INPP4B: variants seen among roughly 807,000 people sequenced by gnomAD.
INPP4B encodes inositol polyphosphate-4-phosphatase type II B.
In INPP4B, 55 loss-of-function variants were observed where a neutral mutation model predicts 122.5. The observed-to-expected ratio is 0.45, with a 90% CI of 0.36 to 0.56. The LOEUF (loss-of-function observed/expected upper bound fraction) is 0.56. INPP4B is among the 20% of genes least tolerant of loss of function. INPP4B has a pLI of 0.00. For missense variants in INPP4B, 1,000 were observed against 1,097.7 expected, an observed-to-expected ratio of 0.91 and a Z score of 1.26; for synonymous variants, 403 against 388.7, an observed-to-expected ratio of 1.04 and a Z score of -0.43.
intron 2 of INPP4B, among the ~76,000 whole-genome samples, chr4:142,672,437 T>C (rs761288700): frequency 6.6e-6 from 1 of 152,118 alleles, no homozygotes; most frequent in Non-Finnish European, 1.5e-5. Context: ...GTTTGTTTGT[T>C]TGTTTGTTTC....
At chr4:142,340,406 T>C (rs199939122) in intron 7 of INPP4B, among the ~76,000 whole-genome samples, 3 of 65,554 alleles carry the variant, frequency 4.6e-5, no homozygotes, top group Admixed American at 4.5e-4. Context: ...TCTTTCTTTT[T>C]TTTCTCTTTA....
At chr4:142,692,074 T>A (rs1487462487) in intron 2 of INPP4B, among the ~76,000 whole-genome samples, 2 of 152,196 alleles carry the variant, frequency 1.3e-5, no homozygotes, top group African/African-American at 4.8e-5. Context: ...AGATTTTTTT[T>A]TTCAGAAGCC....
At position 142,725,844 on chromosome 4, in the gene INPP4B, T is replaced by G. The variant is rs1765282672; in HGVS notation, c.-196A>C. On this transcript the variant is annotated 5_prime_UTR_variant, in exon 2 of 26. Coordinates refer to ENST00000262992, the MANE Select transcript of INPP4B (RefSeq NM_001101669.3). Reference sequence around the variant, plus strand: ...CAATTCAAAATAAGCATTACCTTTGTCTAATTTTTCATAAAAGACAGAAGA... The same window carrying G: ...CAATTCAAAATAAGCATTACCTTTGGCTAATTTTTCATAAAAGACAGAAGA... The G allele has an allele frequency of 2.5e-6, 1 of 397,920 alleles. No homozygotes were observed. The highest frequency in any genetic ancestry group is 1.3e-4 in the South Asian group (1 of 7,860). 24.6% of individuals were successfully genotyped at this position (397,920 alleles called of 1,614,324 possible). A position where few individuals can be genotyped will look rare whatever the true frequency, so the allele number is the denominator to read the frequency against.
chr4:142,252,695 A>T (rs1732950382), intron 11 of INPP4B, among the ~76,000 whole-genome samples: 1 of 152,200 alleles, frequency 6.6e-6, no homozygotes, highest in South Asian at 2.1e-4. Flanking sequence ...CATACCCAAG[A>T]ATGTACAAAT....
At chr4:142,171,490 C>T (rs920297634) in intron 16 of INPP4B, among the ~76,000 whole-genome samples, 2 of 151,818 alleles carry the variant, frequency 1.3e-5, no homozygotes, top group Non-Finnish European at 2.9e-5. Flanking sequence ...TTAAAGCTTA[C>T]ATCCCACTAA....
At position 142,270,705 on chromosome 4, in the gene INPP4B, A is replaced by T. The variant is rs745904231; in HGVS notation, c.573T>A (p.Asp191Glu). The T allele has an allele frequency of 6.2e-7, 1 of 1,613,558 alleles. No homozygotes were observed. The highest frequency in any genetic ancestry group is 1.7e-5 in the Admixed American group (1 of 59,992). ...CTGTGGTGATGTGGTCGGCTTCCCC[A>T]TCCTCAATCTCCCCCATCTTCACGA... Reference protein sequence around the residue: ...VSVVKMGEIEDGEADHITTDV... With the variant: ...VSVVKMGEIEEGEADHITTDV... The change falls in exon 10 of 26, where the codon GAT becomes GAA. Residue 191 changes from aspartate to glutamate, a missense_variant. Asp to Glu is a conservative substitution (Grantham distance 45). Coordinates refer to ENST00000262992, the MANE Select transcript of INPP4B (RefSeq NM_001101669.3).
intron 2 of INPP4B, among the ~76,000 whole-genome samples, chr4:142,604,976 A>G (rs1273472142): frequency 6.6e-6 from 1 of 152,158 alleles, no homozygotes; most frequent in East Asian, 1.9e-4. Context: ...ACCTATTAGA[A>G]GCCTGCAGTA....
At chr4:142,242,273 G>A (rs1285597141) in intron 11 of INPP4B, among the ~76,000 whole-genome samples, 3 of 152,096 alleles carry the variant, frequency 2.0e-5, no homozygotes, top group Admixed American at 6.6e-5. Context: ...CATGGCTTCA[G>A]AAAAGTGAGG....
At chr4:142,673,416 C>CA (rs35627855) in intron 2 of INPP4B, among the ~76,000 whole-genome samples, 25,684 of 129,934 alleles carry the variant, frequency 0.2, 2,196 homozygotes, top group Middle Eastern at 0.29. Flanking sequence ...AACCAGGAGA[C>CA]AAAAAAAAAA....
chr4:142,275,495 C>T (rs1233630086), intron 9 of INPP4B, among the ~76,000 whole-genome samples: 2 of 151,734 alleles, frequency 1.3e-5, no homozygotes, highest in African/African-American at 4.8e-5. Context: ...ATGAAAATCT[C>T]ACCCAAACAT....
intron 23 of INPP4B, among the ~76,000 whole-genome samples, chr4:142,097,623 ATG>A (rs1782559667): frequency 6.6e-6 from 1 of 152,102 alleles, no homozygotes; most frequent in African/African-American, 2.4e-5. Flanking sequence ...ATGAGATCAT[ATG>A]GCCCACAATG....
At chr4:142,772,820 A>G (rs12510307) in intron 1 of INPP4B, among the ~76,000 whole-genome samples, 3,757 of 152,116 alleles carry the variant, frequency 0.025, 60 homozygotes, top group Middle Eastern at 0.095. Context: ...CAAGGCAGGC[A>G]GATTGCCTGA....
intron 2 of INPP4B, among the ~76,000 whole-genome samples, chr4:142,695,506 A>T (rs1760903350): frequency 6.6e-6 from 1 of 152,212 alleles, no homozygotes; most frequent in Non-Finnish European, 1.5e-5. Flanking sequence ...CAAGCAAAGG[A>T]TAGAATGTAA....
In INPP4B at chr4:142,744,943, A is replaced by C. The variant is rs188993056; in HGVS notation, c.-253-19042T>G. Reference sequence around the variant, plus strand: ...AAGGTAGAGTTTTTAGTATATAAAAAAAGATGTGCAAAAGAAGGTACAATG... The same window carrying C: ...AAGGTAGAGTTTTTAGTATATAAAACAAGATGTGCAAAAGAAGGTACAATG... On this transcript the variant is annotated intron_variant, in intron 1 of 25. Transcript: ENST00000262992. Among the ~76,000 whole-genome samples the C allele has an allele frequency of 5.0e-3, 761 of 151,922 alleles. 9 individuals carry two copies. The highest frequency in any genetic ancestry group is 0.017 in the African/African-American group (722 of 41,522).
At chr4:142,640,718 CT>C (rs1460797593) in intron 2 of INPP4B, among the ~76,000 whole-genome samples, 1 of 151,434 alleles carries the variant, frequency 6.6e-6, no homozygotes, top group Non-Finnish European at 1.5e-5. Flanking sequence ...CCAATAATTC[CT>C]AACAATTAAA....
intron 23 of INPP4B, among the ~76,000 whole-genome samples, chr4:142,100,729 A>T (rs1784111804): frequency 6.6e-6 from 1 of 152,130 alleles, no homozygotes; most frequent in Non-Finnish European, 1.5e-5. Context: ...AGTGAAAATG[A>T]TGCAGAGAGA....
intron 1 of INPP4B, among the ~76,000 whole-genome samples, chr4:142,793,042 C>T (rs983732393): frequency 6.6e-6 from 1 of 151,866 alleles, no homozygotes; most frequent in Non-Finnish European, 1.5e-5. Context: ...CTTTGACTAT[C>T]CCAAGATACC....
At chr4:142,309,859 T>C (rs1764810724) in intron 8 of INPP4B, among the ~76,000 whole-genome samples, 2 of 152,178 alleles carry the variant, frequency 1.3e-5, no homozygotes, top group Non-Finnish European at 2.9e-5. Flanking sequence ...TGAAAAAAAG[T>C]GGTGCATCTG....
At chr4:142,608,890 T>C (rs1384653002) in intron 2 of INPP4B, among the ~76,000 whole-genome samples, 1 of 152,150 alleles carries the variant, frequency 6.6e-6, no homozygotes, top group East Asian at 1.9e-4. Flanking sequence ...TTCCTCAGTG[T>C]CTGTTCCCCA....
Sources: gnomAD v4.1 joint callset for allele counts (sites outside exome capture counted in the v4.1 genomes callset) on GRCh38, gnomAD v4.1.1 for gene constraint, MANE v1.5 for transcripts, NCBI Gene and HGNC (gene_info 2026-07-23, HGNC 2026-07-21) for gene names.